KCNAB1: variants seen among roughly 807,000 people sequenced by gnomAD.
KCNAB1 encodes voltage-gated potassium channel subunit beta-1.
Under a neutral mutation model 64.6 loss-of-function variants are expected in KCNAB1, and 35 were observed. The observed-to-expected ratio is 0.54, with a 90% CI of 0.41 to 0.72. The LOEUF (loss-of-function observed/expected upper bound fraction) is 0.72. Ranked by LOEUF, KCNAB1 falls within the 30% of genes least tolerant of loss-of-function variation. The probability of loss-of-function intolerance (pLI) is 0.00; values close to 1 mark genes in which losing one functional copy is unlikely to be tolerated. For synonymous variants in KCNAB1, 177 were observed against 183.8 expected, an observed-to-expected ratio of 0.96 and a Z score of 0.30; for missense variants, 401 against 512.9, an observed-to-expected ratio of 0.78 and a Z score of 2.11.
At chr3:156,457,654 C>A in intron 4 of KCNAB1, 122 bp downstream of exon 4, 2 of 821,160 alleles carry the variant, frequency 2.4e-6, no homozygotes, top group Non-Finnish European at 4.1e-6. Flanking sequence ...GGCAGCTCTG[C>A]TCTGTTCTGC....
chr3:156,174,611 AC>A (rs1202583729), intron 1 of KCNAB1, among the ~76,000 whole-genome samples: 3 of 152,170 alleles, frequency 2.0e-5, no homozygotes, highest in African/African-American at 7.2e-5. Flanking sequence ...GGACCCACAT[AC>A]CTACCAAGTC....
intron 2 of KCNAB1, among the ~76,000 whole-genome samples, chr3:156,450,479 A>G (rs1046543560): frequency 1.3e-5 from 2 of 152,156 alleles, no homozygotes; most frequent in African/African-American, 2.4e-5. Flanking sequence ...CCATAAATTA[A>G]CTTGTCCTGA....
chr3:156,320,668 A>T (rs552034779), intron 1 of KCNAB1, among the ~76,000 whole-genome samples: 2 of 152,274 alleles, frequency 1.3e-5, no homozygotes, highest in East Asian at 3.9e-4. Flanking sequence ...TGTTGCTGAA[A>T]TAGCTCTTGC....
chr3:156,180,009 A>G (rs1252280334), intron 1 of KCNAB1, among the ~76,000 whole-genome samples: 7 of 152,224 alleles, frequency 4.6e-5, no homozygotes, highest in African/African-American at 1.4e-4. Context: ...CAGATACCCA[A>G]GTAATTCTCT....
intron 11 of KCNAB1, among the ~76,000 whole-genome samples, chr3:156,517,886 A>T (rs1207017192): frequency 6.6e-6 from 1 of 152,166 alleles, no homozygotes; most frequent in Non-Finnish European, 1.5e-5. Context: ...AAGACCATAA[A>T]CTCGTAACAG....
chr3:156,397,026 G>A (rs1393133572), intron 1 of KCNAB1, among the ~76,000 whole-genome samples: 1 of 152,158 alleles, frequency 6.6e-6, no homozygotes, highest in Non-Finnish European at 1.5e-5. Context: ...TAAAAATATT[G>A]GACTGAGGAG....
At chr3:156,257,837 G>A (rs953936336) in intron 1 of KCNAB1, among the ~76,000 whole-genome samples, 1 of 152,146 alleles carries the variant, frequency 6.6e-6, no homozygotes, top group Non-Finnish European at 1.5e-5. Context: ...AATAGGAGTT[G>A]TACAGTTATT....
intron 1 of KCNAB1, among the ~76,000 whole-genome samples, chr3:156,257,032 A>G (rs2108473080): frequency 6.6e-6 from 1 of 152,292 alleles, no homozygotes; most frequent in South Asian, 2.1e-4. Flanking sequence ...AGCCATTACT[A>G]GGCCTCAGCT....
chr3:156,445,068 T>TG (rs1559887965), intron 2 of KCNAB1, among the ~76,000 whole-genome samples: 1 of 152,142 alleles, frequency 6.6e-6, no homozygotes, highest in African/African-American at 2.4e-5. Flanking sequence ...GAGGCTGCGG[T>TG]GGGCGGATCA....
intron 1 of KCNAB1, among the ~76,000 whole-genome samples, chr3:156,197,711 G>A (rs1231417928): frequency 6.6e-6 from 1 of 151,980 alleles, no homozygotes; most frequent in Non-Finnish European, 1.5e-5. Flanking sequence ...AGTCTGGCTA[G>A]TGGTCTATTT....
At chr3:156,275,010 C>T (rs983395530) in intron 1 of KCNAB1, among the ~76,000 whole-genome samples, 7 of 152,204 alleles carry the variant, frequency 4.6e-5, no homozygotes, top group Admixed American at 3.9e-4. Flanking sequence ...CTTTAACTAA[C>T]ATGTCAACAT....
intron 1 of KCNAB1, among the ~76,000 whole-genome samples, chr3:156,193,004 GT>G (rs1011187563): frequency 6.6e-6 from 1 of 151,878 alleles, no homozygotes; most frequent in African/African-American, 2.4e-5. Context: ...TGTTTTTAAT[GT>G]AATTATTGAT....
At chr3:156,311,940 T>C (rs1415947293) in intron 1 of KCNAB1, among the ~76,000 whole-genome samples, 1 of 152,228 alleles carries the variant, frequency 6.6e-6, no homozygotes, top group African/African-American at 2.4e-5. Flanking sequence ...CGGCTATCCA[T>C]TCATAAGCTG....
At chr3:156,499,730 A>G (rs1211147160) in intron 8 of KCNAB1, among the ~76,000 whole-genome samples, 1 of 152,184 alleles carries the variant, frequency 6.6e-6, no homozygotes, top group African/African-American at 2.4e-5. Flanking sequence ...TAAAGTGGGA[A>G]TGTAATAATA....
chr3:156,204,883 A>C (rs1714558255), intron 1 of KCNAB1, among the ~76,000 whole-genome samples: 1 of 152,142 alleles, frequency 6.6e-6, no homozygotes, highest in Non-Finnish European at 1.5e-5. Context: ...AATAAGGGGC[A>C]AGCTAAGTTG....
At chr3:156,282,587 A>C (rs1220263931) in intron 1 of KCNAB1, among the ~76,000 whole-genome samples, 1 of 138,034 alleles carries the variant, frequency 7.2e-6, no homozygotes, top group Non-Finnish European at 1.6e-5. Context: ...CCCATTATTA[A>C]TGTGTGGGAG....
intron 1 of KCNAB1, among the ~76,000 whole-genome samples, chr3:156,183,902 T>A (rs1345467228): frequency 6.6e-6 from 1 of 152,232 alleles, no homozygotes; most frequent in East Asian, 1.9e-4. Context: ...GGCCACCACT[T>A]ACAGAATACG....
At chr3:156,460,950 A>G (rs1712856191) in intron 5 of KCNAB1, among the ~76,000 whole-genome samples, 1 of 152,212 alleles carries the variant, frequency 6.6e-6, no homozygotes. Context: ...AAATATTTAT[A>G]GAGATATGAA....
At chr3:156,276,413 G>A (rs528034085) in intron 1 of KCNAB1, among the ~76,000 whole-genome samples, 2 of 152,188 alleles carry the variant, frequency 1.3e-5, no homozygotes, top group Admixed American at 1.3e-4. Context: ...GTCACCAGCT[G>A]CATTAGCCCC....
Sources: allele counts gnomAD v4.1 joint callset (sites outside exome capture counted in the v4.1 genomes callset), GRCh38; gene constraint gnomAD v4.1.1; transcripts MANE v1.5; gene names NCBI Gene and HGNC (gene_info 2026-07-23, HGNC 2026-07-21).